RGS7BP: variants seen among roughly 807,000 people sequenced by gnomAD.
RGS7BP encodes the protein regulator of G protein signaling 7 binding protein.
In RGS7BP, 9 loss-of-function variants were observed where a neutral mutation model predicts 31.3. The ratio of observed to expected loss-of-function variants is 0.29; its 90% CI spans 0.17 to 0.50. The LOEUF is 0.50. Ranked by LOEUF, RGS7BP falls within the 20% of genes least tolerant of loss-of-function variation. The probability of loss-of-function intolerance (pLI) is 0.98; values close to 1 mark genes in which losing one functional copy is unlikely to be tolerated. For missense variants in RGS7BP, 274 were observed against 322.0 expected (o/e 0.85, Z 1.14); for synonymous variants, 115 against 120.1 (o/e 0.96, Z 0.28).
At chr5:64,541,893 G>A (rs1741534435) in intron 2 of RGS7BP, among the ~76,000 whole-genome samples, 1 of 151,302 alleles carries the variant, frequency 6.6e-6, no homozygotes, top group African/African-American at 2.4e-5. Context: ...TAATTAATTT[G>A]CTTAGAAAGA....
intron 2 of RGS7BP, among the ~76,000 whole-genome samples, chr5:64,517,006 T>C (rs4407591): frequency 6.7e-6 from 1 of 150,128 alleles, no homozygotes; most frequent in Non-Finnish European, 1.5e-5. Flanking sequence ...CCAGGGTTTA[T>C]TCTCGCCCAG....
At chr5:64,512,750 A>G (rs1748872155) in intron 2 of RGS7BP, among the ~76,000 whole-genome samples, 1 of 152,194 alleles carries the variant, frequency 6.6e-6, no homozygotes, top group Admixed American at 6.5e-5. Context: ...GGTTTCTTAT[A>G]TTACATTCTG....
chr5:64,557,935 T>A (rs1308650249), intron 2 of RGS7BP, among the ~76,000 whole-genome samples: 1 of 152,188 alleles, frequency 6.6e-6, no homozygotes, highest in Non-Finnish European at 1.5e-5. Flanking sequence ...CAAAACTTTT[T>A]AAACAAGACA....
At chr5:64,524,614 T>C (rs1342417968) in intron 2 of RGS7BP, among the ~76,000 whole-genome samples, 1 of 152,220 alleles carries the variant, frequency 6.6e-6, no homozygotes, top group African/African-American at 2.4e-5. Flanking sequence ...AATTGAATTT[T>C]TCTGGGGCTT....
chr5:64,567,273 T>C (rs930410935), intron 2 of RGS7BP, among the ~76,000 whole-genome samples: 4 of 152,070 alleles, frequency 2.6e-5, no homozygotes, highest in African/African-American at 9.7e-5. Flanking sequence ...GCCTCTCACA[T>C]GGAAGAGGAG....
At position 64,610,627 on chromosome 5, in the gene RGS7BP, GTGCA is replaced by G. The variant is rs1743478953; in HGVS notation, c.*1376_*1379del. The G allele has an allele frequency of 6.6e-6, 1 of 151,868 alleles. No individual in the cohort carries two copies. Among genetic ancestry groups the G allele is most frequent in the African/African-American group, 2.4e-5 (1 of 41,382 alleles). The allele number at this position is 151,868 out of a possible 1,614,324, so 9.4% of individuals were successfully genotyped here. A position where few individuals can be genotyped will look rare whatever the true frequency, so the allele number is the denominator to read the frequency against. On this transcript the variant is annotated 3_prime_UTR_variant, in exon 6 of 6. Transcript: ENST00000334025. ...AACCCTGTTCTTTACCAATACTTAT[GTGCA>G]CAGGCATTTATATGTATACCAATAT... is the stretch of plus-strand genomic sequence containing the variant.
Position 64,506,836 on chromosome 5 carries a change from G to A in RGS7BP, c.165+47G>A, listed in dbSNP as rs553276660. 11 of 1,513,676 alleles carry A rather than the reference G, an allele frequency of 7.3e-6. No individual in the cohort carries two copies. In the South Asian group the frequency reaches 8.8e-5, roughly 12 times the overall value. 93.8% of individuals were successfully genotyped at this position (1,513,676 alleles called of 1,614,324 possible). A position where few individuals can be genotyped will look rare whatever the true frequency, so the allele number is the denominator to read the frequency against. On this transcript the variant is annotated intron_variant, in intron 1 of 5. Transcript: ENST00000334025. The surrounding 1 kb of genome is among the most constrained non-coding windows in gnomAD (Gnocchi z 4.6). ...TTTTTTTTTTTTTTAATTGAGAGGGGGTGGGGGGAGTCATGTATGTTAATC... is the reference window on the plus strand; with the variant it reads ...TTTTTTTTTTTTTTAATTGAGAGGGAGTGGGGGGAGTCATGTATGTTAATC...
chr5:64,544,812 G>C (rs1026481265), intron 2 of RGS7BP, among the ~76,000 whole-genome samples: 3 of 152,224 alleles, frequency 2.0e-5, no homozygotes, highest in Non-Finnish European at 4.4e-5. Context: ...TAAGGCCGTA[G>C]TAATCAATGA....
At chr5:64,592,089 T>C (rs1038820014) in intron 3 of RGS7BP, among the ~76,000 whole-genome samples, 5 of 152,104 alleles carry the variant, frequency 3.3e-5, no homozygotes, top group Non-Finnish European at 5.9e-5. Flanking sequence ...TAACATAAAG[T>C]CGGTACTATC....
intron 3 of RGS7BP, among the ~76,000 whole-genome samples, chr5:64,578,318 G>C (rs920850497): frequency 6.6e-6 from 1 of 152,170 alleles, no homozygotes; most frequent in Non-Finnish European, 1.5e-5. Context: ...ATACCTGATA[G>C]TACCTTTGAT....
intron 5 of RGS7BP, 40 bp from the exon 6 acceptor site, chr5:64,609,121 G>A: frequency 7.7e-7 from 1 of 1,295,168 alleles, no homozygotes. Context: ...AGGTTGTTGT[G>A]TCTATACCTC....
intron 2 of RGS7BP, among the ~76,000 whole-genome samples, chr5:64,546,042 T>TA (rs765567523): frequency 5.9e-5 from 9 of 152,106 alleles, no homozygotes; most frequent in Non-Finnish European, 1.3e-4. Context: ...TAGTCCCAGC[T>TA]ACTCAGGAGG....
chr5:64,572,627 T>G (rs74381685), intron 2 of RGS7BP, among the ~76,000 whole-genome samples: 7,155 of 152,156 alleles, frequency 0.047, 251 homozygotes, highest in Non-Finnish European at 0.066. Context: ...AACCAGAAGA[T>G]TTATGATGCA....
chr5:64,605,888 ATAT>A (rs1436992903), intron 5 of RGS7BP, among the ~76,000 whole-genome samples: 1 of 149,218 alleles, frequency 6.7e-6, no homozygotes, highest in Non-Finnish European at 1.5e-5. Context: ...ATGTGTATAT[ATAT>A]GCTATATATA....
intron 2 of RGS7BP, among the ~76,000 whole-genome samples, chr5:64,516,598 T>C (rs769397785): frequency 1.8e-4 from 28 of 152,358 alleles, no homozygotes; most frequent in African/African-American, 6.3e-4. Context: ...AAAGCAGTGT[T>C]TCTTCAAATT....
At chr5:64,603,523 A>G (rs913645746) in intron 5 of RGS7BP, among the ~76,000 whole-genome samples, 2 of 152,180 alleles carry the variant, frequency 1.3e-5, no homozygotes, top group Non-Finnish European at 2.9e-5. Context: ...CCAAAATGGA[A>G]GGTTTGAGAG....
At chr5:64,587,458 A>T (rs1215270607) in intron 3 of RGS7BP, among the ~76,000 whole-genome samples, 1 of 152,174 alleles carries the variant, frequency 6.6e-6, no homozygotes, top group Non-Finnish European at 1.5e-5. Context: ...TCAAACTCAG[A>T]GTCCACAAAT....
chr5:64,611,015 G>A lies in RGS7BP; in HGVS notation c.*1763G>A, dbSNP rs1743488689. ...GTATACCTGGCTTCAAAAAAAAGAA[G>A]TAGCCGTGGAAAGCTATATGAGAAA... On this transcript the variant is annotated 3_prime_UTR_variant, in exon 6 of 6. Transcript: ENST00000334025. 6.6e-6 allele frequency: 1 copy of A among 151,888 alleles called. No homozygotes were observed. Among genetic ancestry groups the A allele is most frequent in the Non-Finnish European group, 1.5e-5 (1 of 67,890 alleles). The allele number at this position is 151,888 out of a possible 1,614,324, so 9.4% of individuals were successfully genotyped here.
chr5:64,585,021 T>C (rs1215853135), intron 3 of RGS7BP, among the ~76,000 whole-genome samples: 1 of 152,180 alleles, frequency 6.6e-6, no homozygotes, highest in African/African-American at 2.4e-5. Flanking sequence ...TGCACGGAGT[T>C]AAAAAGCACC....
Sources: gnomAD v4.1 joint callset for allele counts (sites outside exome capture counted in the v4.1 genomes callset) on GRCh38, gnomAD v4.1.1 for gene constraint, Gnocchi (gnomAD v3.1) non-coding constraint, MANE v1.5 for transcripts, NCBI Gene and HGNC (gene_info 2026-07-23, HGNC 2026-07-21) for gene names.